The following TNRC6B variants were observed in gnomAD, a reference collection of about 807,000 sequenced individuals.
TNRC6B encodes trinucleotide repeat-containing gene 6B protein.
In TNRC6B, 52 loss-of-function variants were observed where a neutral mutation model predicts 203.6. The ratio of observed to expected loss-of-function variants is 0.26; its 90% CI spans 0.20 to 0.32. The LOEUF is 0.32. Ranked by LOEUF, TNRC6B falls within the 10% of genes least tolerant of loss-of-function variation. The pLI is 1.00. For missense variants in TNRC6B, 1,923 were observed against 2,286.2 expected, an observed-to-expected ratio of 0.84 and a Z score of 3.24; for synonymous variants, 838 against 845.7, an observed-to-expected ratio of 0.99 and a Z score of 0.16.
chr22:40,106,907 T>C, intron 1 of TNRC6B: 2 of 992,916 alleles, frequency 2.0e-6, no homozygotes, highest in South Asian at 1.3e-5. Flanking sequence ...GTGCTTCGCT[T>C]TTTCATGGAT....
At chr22:40,062,144 G>A (rs2067858906) in intron 1 of TNRC6B, among the ~76,000 whole-genome samples, 1 of 152,016 alleles carries the variant, frequency 6.6e-6, no homozygotes, top group Non-Finnish European at 1.5e-5. Flanking sequence ...TTATTGTTAT[G>A]CATTTTACTT....
At chr22:40,054,228 G>A (rs923500938) in intron 1 of TNRC6B, among the ~76,000 whole-genome samples, 1 of 152,134 alleles carries the variant, frequency 6.6e-6, no homozygotes, top group African/African-American at 2.4e-5. Flanking sequence ...AAACAAAACT[G>A]TCAGTGAGGC....
In TNRC6B at chr22:40,193,677, C is replaced by T. The variant is rs902934527; in HGVS notation, c.5+15537C>T. Among the ~76,000 whole-genome samples the T allele has an allele frequency of 2.0e-5, 3 of 152,024 alleles. No individual in the cohort carries two copies. The East Asian group carries it at 5.8e-4, about 29-fold the overall frequency. The stretch of plus-strand genomic sequence containing the variant: ...TGAGGCATGGGGAGAGATTTGCTGC[C>T]TAGAAGACAGGTTAGCCTCAGAGAA... On this transcript the variant is annotated intron_variant, in intron 1 of 22. Transcript: ENST00000454349.
chr22:40,089,539 C>CT (rs573640478), intron 1 of TNRC6B, among the ~76,000 whole-genome samples: 24 of 148,970 alleles, frequency 1.6e-4, no homozygotes, highest in East Asian at 5.9e-4. Flanking sequence ...AGCGTTAAGA[C>CT]TTTTTTTTTT....
chr22:40,081,649 G>C lies in TNRC6B; in HGVS notation c.-120-35406G>C, dbSNP rs146865633. On this transcript the variant is annotated intron_variant, in intron 1 of 23. Coordinates refer to the TNRC6B transcript ENST00000301923. ...TATTTCTAAGCCTCAGTTTCCTTAG[G>C]TACAAAATGTGGATAATAATAGTTC... Among the ~76,000 whole-genome samples the C allele has an allele frequency of 3.4e-3, 521 of 152,224 alleles. 6 individuals are homozygous for C. The highest frequency in any genetic ancestry group is 0.02 in the South Asian group (94 of 4,816).
chr22:40,051,789 G>T (rs1370419592), intron 1 of TNRC6B, among the ~76,000 whole-genome samples: 2 of 152,262 alleles, frequency 1.3e-5, no homozygotes, highest in South Asian at 4.1e-4. Context: ...GTAGAAAGGG[G>T]TGAAATTGAT....
chr22:40,259,074 TAA>T (rs1190173178), intron 3 of TNRC6B, among the ~76,000 whole-genome samples: 8 of 152,162 alleles, frequency 5.3e-5, no homozygotes, highest in African/African-American at 1.9e-4. Flanking sequence ...TTTATTCTCA[TAA>T]TAAGATAAAA....
rs1312472693 is a variant in TNRC6B, at chr22:40,323,917, A to G, written c.*676A>G. 1 of 152,310 alleles carries G rather than the reference A, an allele frequency of 6.6e-6. No homozygotes were observed. Among genetic ancestry groups the G allele is most frequent in the East Asian group, 1.9e-4 (1 of 5,198 alleles). 9.4% of individuals were successfully genotyped at this position (152,310 alleles called of 1,614,324 possible). ...CGTGTGTTCATGTGCATTCGCGTGC[A>G]TCCTTCTCTGTCTCTGTGTGTGTGC... On this transcript the variant is annotated 3_prime_UTR_variant, in exon 23 of 23. Transcript: ENST00000454349.
At chr22:40,248,067 C>T in intron 2 of TNRC6B, among the ~76,000 whole-genome samples, 1 of 147,360 alleles carries the variant, frequency 6.8e-6, no homozygotes, top group Admixed American at 6.8e-5. Flanking sequence ...AGAGTGAGAT[C>T]TTGTGTCTAG....
intron 3 of TNRC6B, among the ~76,000 whole-genome samples, chr22:40,134,822 A>G (rs2068584431): frequency 6.6e-6 from 1 of 152,236 alleles, no homozygotes; most frequent in Non-Finnish European, 1.5e-5. Context: ...CTATCTTCCT[A>G]ATTTTTCTGT....
chr22:40,083,732 G>A (rs1287465520), intron 1 of TNRC6B, among the ~76,000 whole-genome samples: 1 of 152,128 alleles, frequency 6.6e-6, no homozygotes, highest in African/African-American at 2.4e-5. Flanking sequence ...TTAGAAAGGA[G>A]GAGGGCCACT....
intron 21 of TNRC6B, among the ~76,000 whole-genome samples, chr22:40,317,385 C>T (rs1405446536): frequency 6.6e-6 from 1 of 152,170 alleles, no homozygotes; most frequent in Non-Finnish European, 1.5e-5. Flanking sequence ...CGAGACCATC[C>T]TGGCCAACAT....
rs1265144838 is a variant in TNRC6B at position 40,332,698 on chromosome 22, G to A, written c.*9457G>A. ...AACAACAAAAAAATAAAATCCTGAC[G>A]TTTCAACTGTCTCACACAAAATAAT... On this transcript the variant is annotated 3_prime_UTR_variant, in exon 23 of 23. Coordinates refer to ENST00000454349, the MANE Select transcript of TNRC6B (RefSeq NM_001162501.2). 1 of 152,380 alleles carries A rather than the reference G, an allele frequency of 6.6e-6. No homozygotes were observed. Among genetic ancestry groups the A allele is most frequent in the Non-Finnish European group, 1.5e-5 (1 of 67,994 alleles). The allele number at this position is 152,380 out of a possible 1,614,324, so 9.4% of individuals were successfully genotyped here.
intron 1 of TNRC6B, among the ~76,000 whole-genome samples, chr22:40,109,438 A>G (rs1028627526): frequency 1.3e-5 from 2 of 152,300 alleles, no homozygotes; most frequent in African/African-American, 4.8e-5. Flanking sequence ...CAGCCTTGCC[A>G]GCATCTGTTG....
At chr22:40,296,809 G>C (rs2070950695) in intron 12 of TNRC6B, among the ~76,000 whole-genome samples, 1 of 152,100 alleles carries the variant, frequency 6.6e-6, no homozygotes, top group Admixed American at 6.5e-5. Context: ...TGTATTTTTA[G>C]TAGAGAGAGG....
At chr22:40,297,041 G>T (rs1413860958) in intron 12 of TNRC6B, among the ~76,000 whole-genome samples, 1 of 152,178 alleles carries the variant, frequency 6.6e-6, no homozygotes, top group African/African-American at 2.4e-5. Flanking sequence ...CAAGAAGATT[G>T]CTTTTGAGTA....
At chr22:40,124,555 C>T (rs1004353268) in intron 2 of TNRC6B, among the ~76,000 whole-genome samples, 4 of 152,034 alleles carry the variant, frequency 2.6e-5, no homozygotes, top group African/African-American at 9.7e-5. Flanking sequence ...TAGCTCAAGC[C>T]ATCCACCTGC....
chr22:40,103,349 T>A (rs1037087567), intron 1 of TNRC6B, among the ~76,000 whole-genome samples: 1 of 151,430 alleles, frequency 6.6e-6, no homozygotes, highest in Non-Finnish European at 1.5e-5. Context: ...CCCACAGAGA[T>A]CCCTCTTGCC....
At chr22:40,125,935 A>G in intron 3 of TNRC6B, 1 of 1,406,052 alleles carries the variant, frequency 7.1e-7, no homozygotes. Context: ...TAGAATGGGT[A>G]TTTCATTTTA....
Sources: gnomAD v4.1 joint callset for allele counts (sites outside exome capture counted in the v4.1 genomes callset) on GRCh38, gnomAD v4.1.1 for gene constraint, MANE v1.5 for transcripts, NCBI Gene and HGNC (gene_info 2026-07-23, HGNC 2026-07-21) for gene names.